The following CSMD1 variants were observed in gnomAD, a reference collection of about 807,000 sequenced individuals.
The protein encoded by CSMD1 is CUB and sushi domain-containing protein 1.
A neutral mutation model predicts 417.5 loss-of-function variants in CSMD1; 213 were observed. That is an observed-to-expected ratio of 0.51 (90% CI 0.46 to 0.57). CSMD1 has a LOEUF of 0.57. CSMD1 is among the 20% of genes least tolerant of loss of function. The pLI is 0.00. For missense variants in CSMD1, 6,923 were observed against 4,529.7 expected (o/e 1.53, Z -15.17); for synonymous variants, 2,862 against 1,736.8 (o/e 1.65, Z -16.11).
At chr8:4,297,887 C>T (rs1348656171) in intron 3 of CSMD1, among the ~76,000 whole-genome samples, 2 of 151,944 alleles carry the variant, frequency 1.3e-5, no homozygotes, top group South Asian at 2.1e-4. Flanking sequence ...GAAAATTTAT[C>T]GAATGTTTTA....
chr8:4,170,240 CTCTT>C (rs757963564), intron 3 of CSMD1, among the ~76,000 whole-genome samples: 2 of 151,816 alleles, frequency 1.3e-5, no homozygotes, highest in African/African-American at 2.4e-5. Flanking sequence ...TTCCCCATCT[CTCTT>C]TCTCTTTTTG....
At chr8:3,081,365 G>C (rs747958718) in intron 49 of CSMD1, among the ~76,000 whole-genome samples, 1 of 152,122 alleles carries the variant, frequency 6.6e-6, no homozygotes, top group Non-Finnish European at 1.5e-5. Context: ...GAAAAAAATA[G>C]AATGTCAACT....
At chr8:3,043,210 C>T (rs192678930) in intron 50 of CSMD1, among the ~76,000 whole-genome samples, 3 of 150,930 alleles carry the variant, frequency 2.0e-5, no homozygotes, top group East Asian at 3.9e-4. Flanking sequence ...GTTTCTATGA[C>T]CTATAAATAC....
intron 5 of CSMD1, among the ~76,000 whole-genome samples, chr8:3,917,966 G>T (rs866082288): frequency 6.6e-6 from 1 of 151,974 alleles, no homozygotes; most frequent in African/African-American, 2.4e-5. Context: ...AATTTAAGCT[G>T]GTTTATTTCA....
chr8:4,260,412 C>G (rs976840106), intron 3 of CSMD1, among the ~76,000 whole-genome samples: 1 of 152,014 alleles, frequency 6.6e-6, no homozygotes, highest in Non-Finnish European at 1.5e-5. Context: ...AAAAATTATA[C>G]TTTTATTAAT....
chr8:4,913,265 C>T (rs976853619), intron 1 of CSMD1, among the ~76,000 whole-genome samples: 8 of 152,158 alleles, frequency 5.3e-5, no homozygotes, highest in Admixed American at 1.3e-4. Flanking sequence ...CTCTTCTTTC[C>T]TGCCACAGGT....
chr8:4,446,052 G>C (rs1798769503), intron 2 of CSMD1, among the ~76,000 whole-genome samples: 1 of 152,194 alleles, frequency 6.6e-6, no homozygotes, highest in Admixed American at 6.5e-5. Flanking sequence ...CCCAAGAAGA[G>C]GAGACGAGGC....
intron 7 of CSMD1, among the ~76,000 whole-genome samples, chr8:3,683,774 C>T (rs1459799386): frequency 6.6e-6 from 1 of 152,094 alleles, no homozygotes; most frequent in East Asian, 1.9e-4. Flanking sequence ...TATGTTCTTC[C>T]AGTTAAACCA....
At chr8:4,485,427 AG>A (rs149346432) in intron 2 of CSMD1, among the ~76,000 whole-genome samples, 1 of 152,284 alleles carries the variant, frequency 6.6e-6, no homozygotes, top group East Asian at 1.9e-4. Context: ...TCACAGAGAG[AG>A]GAAGGGCTTC....
intron 7 of CSMD1, among the ~76,000 whole-genome samples, chr8:3,637,337 G>C (rs1324449884): frequency 6.6e-6 from 1 of 152,072 alleles, no homozygotes; most frequent in African/African-American, 2.4e-5. Flanking sequence ...TTTATCTGTA[G>C]AATGTGGATT....
At chr8:4,520,592 C>T (rs994345982) in intron 2 of CSMD1, among the ~76,000 whole-genome samples, 2 of 152,006 alleles carry the variant, frequency 1.3e-5, no homozygotes, top group South Asian at 2.1e-4. Context: ...GTCCTGGGGG[C>T]GAACGCAGAG....
chr8:3,430,212 T>C (rs1055117907), intron 12 of CSMD1, among the ~76,000 whole-genome samples: 19 of 152,198 alleles, frequency 1.2e-4, no homozygotes, highest in Admixed American at 3.9e-4. Flanking sequence ...CATCTTCCAC[T>C]GATATGTAGG....
At chr8:4,239,049 T>C (rs1426244368) in intron 3 of CSMD1, among the ~76,000 whole-genome samples, 4 of 152,130 alleles carry the variant, frequency 2.6e-5, no homozygotes, top group Non-Finnish European at 5.9e-5. Flanking sequence ...ATATCACACA[T>C]CCCTGAACAA....
intron 2 of CSMD1, among the ~76,000 whole-genome samples, chr8:4,510,407 A>G (rs1372528565): frequency 1.3e-5 from 2 of 148,300 alleles, no homozygotes; most frequent in Admixed American, 6.7e-5. Flanking sequence ...AAAAAAAAAA[A>G]AAAAAAAAAA....
In CSMD1 at chr8:3,330,162, T is replaced by G. The variant is rs28473685; in HGVS notation, c.3631+13132A>C. On this transcript the variant is annotated intron_variant, in intron 23 of 69. Transcript: ENST00000635120. ...GTCATTCAAGAGATTTCTCCTTACA[T>G]TGATAAACTTCTTCAATTACTATAG... Among the ~76,000 whole-genome samples, 909 of 152,228 alleles carry G rather than the reference T, an allele frequency of 6.0e-3. 6 individuals carry two copies. The highest frequency in any genetic ancestry group is 0.021 in the African/African-American group (870 of 41,532).
intron 52 of CSMD1, among the ~76,000 whole-genome samples, chr8:3,015,390 G>T (rs1442927860): frequency 6.6e-6 from 1 of 152,038 alleles, no homozygotes; most frequent in African/African-American, 2.4e-5. Context: ...CTGATTGGAT[G>T]ATTTGCTTTT....
At chr8:4,491,528 T>C (rs544279191) in intron 2 of CSMD1, among the ~76,000 whole-genome samples, 4 of 152,086 alleles carry the variant, frequency 2.6e-5, no homozygotes, top group African/African-American at 9.6e-5. Flanking sequence ...CCACATTTCA[T>C]AGTCTGTCTC....
At chr8:3,884,903 G>T (rs959496902) in intron 5 of CSMD1, among the ~76,000 whole-genome samples, 2 of 146,978 alleles carry the variant, frequency 1.4e-5, no homozygotes, top group African/African-American at 2.5e-5. Flanking sequence ...TTATATTAAA[G>T]GCCTTCTAAA....
intron 23 of CSMD1, among the ~76,000 whole-genome samples, chr8:3,311,383 G>A (rs1805330151): frequency 6.6e-6 from 1 of 152,008 alleles, no homozygotes; most frequent in African/African-American, 2.4e-5. Context: ...CTGAATAGCT[G>A]GGACTATAAG....
Sources: allele counts gnomAD v4.1 joint callset (sites outside exome capture counted in the v4.1 genomes callset), GRCh38; gene constraint gnomAD v4.1.1; transcripts MANE v1.5; gene names NCBI Gene and HGNC (gene_info 2026-07-23, HGNC 2026-07-21).